The following SDK1 variants were observed in gnomAD, a reference collection of about 807,000 sequenced individuals.
The protein encoded by SDK1 is sidekick cell adhesion molecule 1.
In SDK1, 157 loss-of-function variants were observed where a neutral mutation model predicts 245.5. The ratio of observed to expected loss-of-function variants is 0.64; its 90% confidence interval spans 0.56 to 0.73. SDK1 has a LOEUF of 0.73. Among genes scored for constraint, SDK1 ranks in the 30% least tolerant of loss-of-function variants. The pLI is 0.00. For missense variants in SDK1, 3,583 were observed against 3,002.3 expected (o/e 1.19, Z -4.52); for synonymous variants, 1,647 against 1,278.5 (o/e 1.29, Z -6.15).
intron 32 of SDK1, among the ~76,000 whole-genome samples, chr7:4,162,224 C>T (rs774501988): frequency 3.9e-5 from 6 of 151,984 alleles, no homozygotes; most frequent in South Asian, 2.1e-4. Context: ...AATTGGTTAT[C>T]GCCCTACAAG....
At chr7:3,657,859 G>A (rs1397911515) in intron 4 of SDK1, among the ~76,000 whole-genome samples, 1 of 152,220 alleles carries the variant, frequency 6.6e-6, no homozygotes, top group East Asian at 1.9e-4. Context: ...GGGAAAGAAA[G>A]TGGCTAAATG....
At chr7:3,971,418 C>A in intron 11 of SDK1, 48 bp from the exon 12 acceptor site, 1 of 1,348,780 alleles carries the variant, frequency 7.4e-7, no homozygotes, top group Non-Finnish European at 1.1e-6. Flanking sequence ...AGGGCAGAAA[C>A]TGTCAAACTT....
At chr7:3,689,400 A>G (rs1019411793) in intron 4 of SDK1, among the ~76,000 whole-genome samples, 2 of 152,142 alleles carry the variant, frequency 1.3e-5, no homozygotes, top group Non-Finnish European at 2.9e-5. Flanking sequence ...CCGTTATAAG[A>G]CAGTAAACCT....
At chr7:3,848,490 C>G (rs951265028) in intron 5 of SDK1, among the ~76,000 whole-genome samples, 64 of 152,058 alleles carry the variant, frequency 4.2e-4, no homozygotes, top group African/African-American at 1.3e-3. Flanking sequence ...AGGCAGGCTT[C>G]TTGAGCAGGC....
chr7:3,498,141 CTT>C (rs1411700182), intron 1 of SDK1, among the ~76,000 whole-genome samples: 3 of 152,186 alleles, frequency 2.0e-5, no homozygotes, highest in African/African-American at 7.2e-5. Flanking sequence ...ATTTGGGCCT[CTT>C]TGTAAAATTC....
intron 19 of SDK1, among the ~76,000 whole-genome samples, chr7:4,056,741 C>G (rs756328402): frequency 7.9e-5 from 12 of 152,148 alleles, no homozygotes; most frequent in African/African-American, 1.4e-4. Flanking sequence ...CCCACACGCC[C>G]GAGCCCAGAG....
intron 4 of SDK1, among the ~76,000 whole-genome samples, chr7:3,707,757 T>C (rs1291854104): frequency 2.0e-5 from 3 of 152,220 alleles, no homozygotes; most frequent in South Asian, 2.1e-4. Context: ...AAACTTAGGA[T>C]TGTAATTCTT....
rs111999639 is a variant in SDK1, at chr7:3,612,115, A to T, written c.299-6965A>T. On this transcript the variant is annotated intron_variant, in intron 1 of 44. Transcript: ENST00000404826. ...GGAAAGGGTGGGACGGGGGTGAGGGATACGACTACACATTGGGTACAGTGT... is the reference window on the plus strand; with the variant it reads ...GGAAAGGGTGGGACGGGGGTGAGGGTTACGACTACACATTGGGTACAGTGT... Among the ~76,000 whole-genome samples, 1,040 of 152,284 alleles carry T rather than the reference A, an allele frequency of 6.8e-3. 20 individuals are homozygous for T. The highest frequency in any genetic ancestry group is 0.024 in the African/African-American group (986 of 41,560).
At chr7:3,441,829 C>G (rs1158097364) in intron 1 of SDK1, among the ~76,000 whole-genome samples, 1 of 152,162 alleles carries the variant, frequency 6.6e-6, no homozygotes, top group East Asian at 1.9e-4. Context: ...ATGTAAACCA[C>G]TCAGTGTCAC....
chr7:3,507,034 G>T (rs11973367), intron 1 of SDK1, among the ~76,000 whole-genome samples: 4 of 151,964 alleles, frequency 2.6e-5, no homozygotes, highest in African/African-American at 9.7e-5. Context: ...TCTTCAAGCC[G>T]GGGTTTTGAG....
At chr7:3,544,395 G>A (rs562326528) in intron 1 of SDK1, among the ~76,000 whole-genome samples, 1 of 152,336 alleles carries the variant, frequency 6.6e-6, no homozygotes, top group Non-Finnish European at 1.5e-5. Flanking sequence ...GCAGCATGGG[G>A]CCTGTAGAGG....
At chr7:4,129,646 C>G in intron 26 of SDK1, 1 of 1,345,666 alleles carries the variant, frequency 7.4e-7, no homozygotes, top group Non-Finnish European at 9.5e-7. Flanking sequence ...GCCCTCAGAT[C>G]TTGCAGATTA....
At chr7:4,150,929 A>G (rs909909488) in intron 30 of SDK1, among the ~76,000 whole-genome samples, 3 of 152,254 alleles carry the variant, frequency 2.0e-5, no homozygotes, top group Non-Finnish European at 4.4e-5. Context: ...GGAACTGTGC[A>G]GGCTCAGCCT....
intron 4 of SDK1, among the ~76,000 whole-genome samples, chr7:3,728,797 G>T (rs542174125): frequency 5.9e-5 from 9 of 152,044 alleles, no homozygotes; most frequent in Non-Finnish European, 4.4e-5. Context: ...GTAGAGGCGG[G>T]GTTTCACCAT....
At chr7:3,307,307 A>C (rs1252112352) in intron 1 of SDK1, among the ~76,000 whole-genome samples, 1 of 152,154 alleles carries the variant, frequency 6.6e-6, no homozygotes, top group Non-Finnish European at 1.5e-5. Flanking sequence ...CAGTTGGGAC[A>C]GCAAATATGG....
In SDK1 at chr7:4,193,372, T is replaced by TTATATATATATATATATA. The variant is rs10536828; in HGVS notation, c.5099-12498_5099-12481dup. ...AATATATTTATATATATTAAAATAT[T>TTATATATATATATATATA]TATATATATATATATATATATATAT... On this transcript the variant is annotated intron_variant, in intron 35 of 44. Coordinates refer to ENST00000404826, the MANE Select transcript of SDK1 (RefSeq NM_152744.4). Among the ~76,000 whole-genome samples the TTATATATATATATATATA allele has an allele frequency of 7.0e-4, 72 of 103,042 alleles. 1 individual carries two copies. The highest frequency in any genetic ancestry group is 6.8e-3 in the Middle Eastern group (1 of 148). 67.6% of individuals were successfully genotyped at this position (103,042 alleles called of 152,430 possible).
At chr7:3,571,738 A>G (rs1332766323) in intron 1 of SDK1, among the ~76,000 whole-genome samples, 3 of 152,160 alleles carry the variant, frequency 2.0e-5, no homozygotes, top group Non-Finnish European at 2.9e-5. Context: ...CAATGAATAT[A>G]ACATTCTTGG....
intron 17 of SDK1, among the ~76,000 whole-genome samples, chr7:4,023,599 G>A (rs999721651): frequency 3.9e-5 from 6 of 152,126 alleles, no homozygotes; most frequent in African/African-American, 9.7e-5. Context: ...AAAAAATTCC[G>A]CGGAGTGTAA....
At chr7:4,128,320 T>C (rs539276627) in intron 26 of SDK1, among the ~76,000 whole-genome samples, 2 of 152,344 alleles carry the variant, frequency 1.3e-5, no homozygotes, top group African/African-American at 4.8e-5. Flanking sequence ...CCGGGTGTTC[T>C]AAGTGCGCCC....
Sources: gnomAD v4.1 joint callset for allele counts (sites outside exome capture counted in the v4.1 genomes callset) on GRCh38, gnomAD v4.1.1 for gene constraint, MANE v1.5 for transcripts, NCBI Gene and HGNC (gene_info 2026-07-23, HGNC 2026-07-21) for gene names.